The following TMED10 variants were observed in gnomAD, a reference collection of about 807,000 sequenced individuals.
The protein encoded by TMED10 is transmembrane p24 trafficking protein 10, also known as transmembrane emp24 domain-containing protein 10.
Under a neutral mutation model 23.1 loss-of-function variants are expected in TMED10, and 7 were observed. The ratio of observed to expected loss-of-function variants is 0.30; its 90% CI spans 0.17 to 0.57. The LOEUF is 0.57. Among genes scored for constraint, TMED10 ranks in the 20% least tolerant of loss-of-function variants. The pLI is 0.91. For synonymous variants in TMED10, 113 were observed against 106.9 expected (o/e 1.06, Z -0.35); for missense variants, 162 against 274.8 (o/e 0.59, Z 2.90).
At chr14:75,146,666 G>A (rs770475988) in intron 3 of TMED10, among the ~76,000 whole-genome samples, 2 of 151,998 alleles carry the variant, frequency 1.3e-5, no homozygotes, top group African/African-American at 2.4e-5. Context: ...TCCTCATTCT[G>A]TGTACACCTC....
intron 3 of TMED10, among the ~76,000 whole-genome samples, chr14:75,140,482 T>G (rs1203246764): frequency 6.6e-6 from 1 of 151,952 alleles, no homozygotes; most frequent in Non-Finnish European, 1.5e-5. Context: ...CTGAAGCGGA[T>G]GGATCACTTG....
chr14:75,152,292 A>G (rs562293225), intron 1 of TMED10, 149 bp from the exon 2 acceptor site: 2 of 629,448 alleles, frequency 3.2e-6, no homozygotes, highest in Non-Finnish European at 5.4e-6. Flanking sequence ...AAAGACAAAA[A>G]CTGGATTAGA....
chr14:75,173,978 G>A (rs935705725), intron 1 of TMED10, among the ~76,000 whole-genome samples: 6 of 152,206 alleles, frequency 3.9e-5, no homozygotes, highest in South Asian at 2.1e-4. Flanking sequence ...TGATCCACCC[G>A]CCTCGGCCTC....
rs528983325 is a variant in TMED10, at chr14:75,146,797, C to G, written c.411+867G>C. Among the ~76,000 whole-genome samples the G allele has an allele frequency of 7.2e-5, 11 of 152,222 alleles. No individual in the cohort carries two copies. The South Asian group carries it at 1.5e-3, about 20-fold the overall frequency. ...TCTTGCAGCTTTTTCCTCCATCCTG[C>G]CCTCTTCCTTGAAAGTTTGAAATTA... On this transcript the variant is annotated intron_variant, in intron 3 of 4. Coordinates refer to ENST00000303575, the MANE Select transcript of TMED10 (RefSeq NM_006827.6).
Position 75,134,563 on chromosome 14 carries a change from A to G in TMED10, c.*322T>C. The G allele has an allele frequency of 4.3e-6, 1 of 231,306 alleles. No individual in the cohort carries two copies. Among genetic ancestry groups the G allele is most frequent in the Non-Finnish European group, 8.8e-6 (1 of 113,874 alleles). The allele number at this position is 231,306 out of a possible 1,614,324, so 14.3% of individuals were successfully genotyped here. The stretch of plus-strand genomic sequence containing the variant: ...GGAGAAGAAAAGAAAACATAGTCCA[A>G]ACAGATCACACAAGGGAACCCAGGA... On this transcript the variant is annotated 3_prime_UTR_variant, in exon 5 of 5. Transcript: ENST00000303575.
intron 2 of TMED10, chr14:75,148,031 A>C (rs1895909892): frequency 2.2e-6 from 1 of 461,470 alleles, no homozygotes; most frequent in Non-Finnish European, 4.0e-6. Context: ...ACAGAGGAAC[A>C]GAACAGAAGG....
intron 1 of TMED10, among the ~76,000 whole-genome samples, chr14:75,169,382 G>A (rs1486698880): frequency 6.6e-6 from 1 of 152,160 alleles, no homozygotes; most frequent in Non-Finnish European, 1.5e-5. Context: ...GACTGCCTCA[G>A]GCTAGGCACA....
chr14:75,166,734 T>A (rs930704343), intron 1 of TMED10, among the ~76,000 whole-genome samples: 9 of 152,340 alleles, frequency 5.9e-5, no homozygotes, highest in Non-Finnish European at 7.3e-5. Flanking sequence ...TATTATTAAA[T>A]GTCAATGTAC....
At position 75,176,420 on chromosome 14, in the gene TMED10, C is replaced by T; in HGVS notation, c.160G>A (p.Val54Met). The part of the protein sequence containing the change: ...LREEIHKDLL[V>M]TGAYEISDQS... ...TCGGAGATCTCGTACGCGCCAGTCA[C>T]TAGCAGGTCCTTGTGAATCTCCTCA... Residue 54 changes from valine to methionine, a missense_variant, in exon 1 of 5, where the codon GTG (valine) becomes ATG (methionine). By Grantham distance (21) the Val-to-Met change is conservative. Transcript: ENST00000303575. The T allele has an allele frequency of 6.2e-7, 1 of 1,614,252 alleles. No homozygotes were observed. The highest frequency in any genetic ancestry group is 2.2e-5 in the East Asian group (1 of 44,890).
intron 3 of TMED10, among the ~76,000 whole-genome samples, chr14:75,147,349 A>C (rs1253974336): frequency 2.6e-5 from 4 of 151,326 alleles, no homozygotes; most frequent in Admixed American, 2.6e-4. Flanking sequence ...GCACGCCACC[A>C]CTCCTGGCTA....
At chr14:75,143,251 G>A (rs1411366750) in intron 3 of TMED10, among the ~76,000 whole-genome samples, 3 of 152,130 alleles carry the variant, frequency 2.0e-5, no homozygotes, top group Non-Finnish European at 4.4e-5. Flanking sequence ...GGTAGGTACT[G>A]TTTGGAAAAG....
intron 1 of TMED10, among the ~76,000 whole-genome samples, chr14:75,153,541 T>C (rs1895981466): frequency 6.6e-6 from 1 of 152,232 alleles, no homozygotes; most frequent in Non-Finnish European, 1.5e-5. Context: ...GTGGCTGTCT[T>C]AGTAGAAAGC....
At position 75,135,897 on chromosome 14, in the gene TMED10, A is replaced by G. The variant is rs867776091; in HGVS notation, c.412-11T>C. The G allele has an allele frequency of 2.5e-6, 4 of 1,613,398 alleles. No homozygotes were observed. The Middle Eastern group carries it at 6.6e-4, about 266-fold the overall frequency. ...CTCAACTTTTGCAATCTGGAAAAGAATGGAATATTTTCAGCTCTCTGAAAA... is the reference window on the plus strand; with the variant it reads ...CTCAACTTTTGCAATCTGGAAAAGAGTGGAATATTTTCAGCTCTCTGAAAA... On this transcript the variant is annotated splice_polypyrimidine_tract_variant and intron_variant, in intron 3 of 4. Coordinates refer to ENST00000303575, the MANE Select transcript of TMED10 (RefSeq NM_006827.6).
chr14:75,131,726 C>T lies in TMED10; in HGVS notation c.*3159G>A, dbSNP rs1895687239. 1 of 152,260 alleles carries T rather than the reference C, an allele frequency of 6.6e-6. No homozygotes were observed. The highest frequency in any genetic ancestry group is 1.5e-5 in the Non-Finnish European group (1 of 68,020). The allele number at this position is 152,260 out of a possible 1,614,324, so 9.4% of individuals were successfully genotyped here. ...CACCCGATTTTAAAGCTTATTTGCT[C>T]TTGTGTCAGTCTTTTGTCAAAGGCA... On this transcript the variant is annotated 3_prime_UTR_variant, in exon 5 of 5. Coordinates refer to ENST00000303575, the MANE Select transcript of TMED10 (RefSeq NM_006827.6).
Position 75,132,384 on chromosome 14 carries a change from T to TTCCCC in TMED10, c.*2500_*2501insGGGGA, listed in dbSNP as rs1555355307. 3.8e-5 allele frequency: 2 copies of TTCCCC among 52,888 alleles called. No homozygotes were observed. The highest frequency in any genetic ancestry group is 7.8e-5 in the African/African-American group (1 of 12,876). The allele number at this position is 52,888 out of a possible 1,614,324, so 3.3% of individuals were successfully genotyped here. A position where few individuals can be genotyped will look rare whatever the true frequency, so the allele number is the denominator to read the frequency against. On this transcript the variant is annotated 3_prime_UTR_variant, in exon 5 of 5. Transcript: ENST00000303575. ...GCCTGGGCGTTGCAGCAAGACTCCGTCCCCCCCCCCCCAAAAAAAAAAAAG... is the reference window on the plus strand; with the variant it reads ...GCCTGGGCGTTGCAGCAAGACTCCGTTCCCCCCCCCCCCCCCCAAAAAAAAAAAAG...
At chr14:75,156,490 ACAG>A (rs1896020441) in intron 1 of TMED10, among the ~76,000 whole-genome samples, 1 of 152,182 alleles carries the variant, frequency 6.6e-6, no homozygotes, top group Middle Eastern at 3.2e-3. Flanking sequence ...CAAGCCATAC[ACAG>A]CAAACTAGAA....
chr14:75,159,628 C>G (rs1896063196), intron 1 of TMED10, among the ~76,000 whole-genome samples: 1 of 152,140 alleles, frequency 6.6e-6, no homozygotes. Flanking sequence ...GGAGAGGAGT[C>G]TCTCTACATC....
intron 1 of TMED10, 21 bp downstream of exon 1, chr14:75,176,334 C>G: frequency 6.2e-7 from 1 of 1,613,242 alleles, no homozygotes; most frequent in East Asian, 2.2e-5. Flanking sequence ...CCTCCCGGCC[C>G]CACGTCGCCC....
Position 75,133,109 on chromosome 14 carries a change from C to T in TMED10, c.*1776G>A, listed in dbSNP as rs1175250305. On this transcript the variant is annotated 3_prime_UTR_variant, in exon 5 of 5. Transcript: ENST00000303575. ...GGCCCTCGATGTCTATTTTATACAT[C>T]ATATCTCTTAATTCTCTAGATGGAA... The T allele has an allele frequency of 6.6e-6, 1 of 152,114 alleles. No individual in the cohort carries two copies. Among genetic ancestry groups the T allele is most frequent in the Non-Finnish European group, 1.5e-5 (1 of 68,032 alleles). 9.4% of individuals were successfully genotyped at this position (152,114 alleles called of 1,614,324 possible).
Sources: gnomAD v4.1 joint callset for allele counts (sites outside exome capture counted in the v4.1 genomes callset) on GRCh38, gnomAD v4.1.1 for gene constraint, MANE v1.5 for transcripts, NCBI Gene and HGNC (gene_info 2026-07-23, HGNC 2026-07-21) for gene names.